The following ATF7IP2 variants were observed in gnomAD, a reference collection of about 807,000 sequenced individuals.
ATF7IP2 encodes activating transcription factor 7 interacting protein 2.
A neutral mutation model predicts 64.2 loss-of-function variants in ATF7IP2; 42 were observed. The ratio of observed to expected loss-of-function variants is 0.65; its 90% confidence interval spans 0.51 to 0.85. The LOEUF (loss-of-function observed/expected upper bound fraction) is 0.85. ATF7IP2 is among the 40% of genes least tolerant of loss of function. ATF7IP2 has a pLI of 0.00. For missense variants in ATF7IP2, 933 were observed against 784.2 expected (o/e 1.19, Z -2.27); for synonymous variants, 308 against 272.8 (o/e 1.13, Z -1.27).
intron 1 of ATF7IP2, among the ~76,000 whole-genome samples, chr16:10,404,293 C>A (rs907691032): frequency 6.6e-6 from 1 of 152,178 alleles, no homozygotes; most frequent in Non-Finnish European, 1.5e-5. Context: ...CACTCTGTCA[C>A]CCAGGCTGGA....
At chr16:10,454,655 C>G (rs909174328) in intron 8 of ATF7IP2, among the ~76,000 whole-genome samples, 1 of 151,964 alleles carries the variant, frequency 6.6e-6, no homozygotes, top group Non-Finnish European at 1.5e-5. Context: ...TCTTAAGAGA[C>G]CTTTTCTAAC....
At chr16:10,453,978 C>G (rs1030611788) in intron 8 of ATF7IP2, 3 of 151,764 alleles carry the variant, frequency 2.0e-5, no homozygotes, top group African/African-American at 7.3e-5. Flanking sequence ...ACTTGAAAAT[C>G]CAATTCTTTC....
chr16:10,472,208 G>C (rs1173357791), intron 10 of ATF7IP2, 25 bp downstream of exon 10: 1 of 1,281,466 alleles, frequency 7.8e-7, no homozygotes, highest in Non-Finnish European at 1.1e-6. Flanking sequence ...ATTAGAATAT[G>C]ATCTATCAAG....
chr16:10,434,946 T>C (rs2048370737), intron 6 of ATF7IP2, among the ~76,000 whole-genome samples: 1 of 152,198 alleles, frequency 6.6e-6, no homozygotes, highest in South Asian at 2.1e-4. Flanking sequence ...TTTGTGTGTA[T>C]TTTTAGTAGA....
chr16:10,433,932 C>A (rs2048337203), intron 6 of ATF7IP2, among the ~76,000 whole-genome samples: 1 of 152,158 alleles, frequency 6.6e-6, no homozygotes, highest in Admixed American at 6.5e-5. Flanking sequence ...GTATTACACT[C>A]ATATTTGTCT....
intron 12 of ATF7IP2, among the ~76,000 whole-genome samples, chr16:10,477,371 A>G (rs1256759310): frequency 1.3e-5 from 2 of 152,224 alleles, no homozygotes; most frequent in South Asian, 4.1e-4. Context: ...TGATGTGCCA[A>G]AAACCACATG....
chr16:10,392,858 G>A (rs1026316795), intron 1 of ATF7IP2, among the ~76,000 whole-genome samples: 4 of 151,060 alleles, frequency 2.6e-5, no homozygotes, highest in African/African-American at 4.9e-5. Context: ...TGTGATGGGC[G>A]CCCCTGATGT....
intron 1 of ATF7IP2, among the ~76,000 whole-genome samples, chr16:10,408,528 C>G (rs2047688091): frequency 1.3e-5 from 2 of 152,094 alleles, no homozygotes; most frequent in Non-Finnish European, 2.9e-5. Flanking sequence ...TTGATTATGG[C>G]CATTGCAGGA....
At chr16:10,446,804 GT>G in intron 8 of ATF7IP2, 1 of 152,294 alleles carries the variant, frequency 6.6e-6, no homozygotes, top group Non-Finnish European at 1.5e-5. Context: ...CATCTTGGGG[GT>G]TTTGGGGTGA....
chr16:10,456,089 C>T (rs930134777), intron 8 of ATF7IP2, among the ~76,000 whole-genome samples: 5 of 152,008 alleles, frequency 3.3e-5, no homozygotes, highest in African/African-American at 4.8e-5. Context: ...AATCAATTCT[C>T]GTGCCTTAGC....
intron 3 of ATF7IP2, among the ~76,000 whole-genome samples, chr16:10,423,094 A>T (rs1026439007): frequency 9.2e-5 from 14 of 152,176 alleles, no homozygotes; most frequent in African/African-American, 3.4e-4. Flanking sequence ...AATACAAAAA[A>T]TTAGCCAGGC....
intron 8 of ATF7IP2, among the ~76,000 whole-genome samples, chr16:10,443,129 A>T (rs899224603): frequency 6.6e-6 from 1 of 152,190 alleles, no homozygotes; most frequent in Admixed American, 6.5e-5. Context: ...AGAGTGTCCA[A>T]TAAGGGTCCA....
chr16:10,421,416 C>G (rs1285100550), intron 3 of ATF7IP2, among the ~76,000 whole-genome samples: 2 of 152,208 alleles, frequency 1.3e-5, no homozygotes, highest in African/African-American at 2.4e-5. Flanking sequence ...CGACTAGGAT[C>G]TCCTCTAAGG....
chr16:10,452,315 C>A (rs2049011151), intron 8 of ATF7IP2, among the ~76,000 whole-genome samples: 1 of 152,156 alleles, frequency 6.6e-6, no homozygotes, highest in South Asian at 2.1e-4. Flanking sequence ...GAGTGGACGT[C>A]CTTTTTGTTG....
At chr16:10,415,990 C>T (rs73514849) in intron 2 of ATF7IP2, among the ~76,000 whole-genome samples, 2,694 of 152,222 alleles carry the variant, frequency 0.018, 85 homozygotes, top group African/African-American at 0.061. Flanking sequence ...AATCCTTGTA[C>T]ATTGTTGGTG....
chr16:10,395,572 T>C (rs557230118), intron 1 of ATF7IP2, among the ~76,000 whole-genome samples: 1 of 152,168 alleles, frequency 6.6e-6, no homozygotes, highest in African/African-American at 2.4e-5. Context: ...GAAATTAACA[T>C]AAAAGGATTA....
chr16:10,456,258 T>TTA (rs1567161769), intron 8 of ATF7IP2, among the ~76,000 whole-genome samples: 10 of 152,152 alleles, frequency 6.6e-5, no homozygotes, highest in African/African-American at 2.4e-4. Flanking sequence ...CAGGACTTAA[T>TTA]GATTTAGGCA....
chr16:10,410,045 T>G (rs555619171), intron 1 of ATF7IP2, among the ~76,000 whole-genome samples: 11 of 152,312 alleles, frequency 7.2e-5, no homozygotes, highest in African/African-American at 1.9e-4. Context: ...TAGTCTTGCT[T>G]TGGTTATACA....
At chr16:10,444,883 C>T (rs926900382) in intron 8 of ATF7IP2, among the ~76,000 whole-genome samples, 1 of 152,090 alleles carries the variant, frequency 6.6e-6, no homozygotes, top group Non-Finnish European at 1.5e-5. Context: ...GCCTTAACTA[C>T]ATTATTAGCA....
Sources: gnomAD v4.1 joint callset for allele counts (sites outside exome capture counted in the v4.1 genomes callset) on GRCh38, gnomAD v4.1.1 for gene constraint, MANE v1.5 for transcripts, NCBI Gene and HGNC (gene_info 2026-07-23, HGNC 2026-07-21) for gene names.